AAK1: variants seen among roughly 807,000 people sequenced by gnomAD.
AAK1 encodes AP2 associated kinase 1, also known as AP2-associated protein kinase 1.
Under a neutral mutation model 116.0 loss-of-function variants are expected in AAK1, and 37 were observed. The ratio of observed to expected loss-of-function variants is 0.32; its 90% CI spans 0.25 to 0.42. The LOEUF (loss-of-function observed/expected upper bound fraction) is 0.42, where lower values mean the gene tolerates loss of function less well. Among genes scored for constraint, AAK1 ranks in the 10% least tolerant of loss-of-function variants. AAK1 has a pLI of 1.00. For synonymous variants in AAK1, 458 were observed against 439.9 expected, an observed-to-expected ratio of 1.04 and a Z score of -0.51; for missense variants, 919 against 1,170.6, an observed-to-expected ratio of 0.79 and a Z score of 3.14.
rs1330700871 is a variant in AAK1, at chr2:69,463,961, T to C, written c.*11908A>G. On this transcript the variant is annotated 3_prime_UTR_variant, in exon 22 of 22. Transcript: ENST00000409085. ...GCACTGCACCTGGCCAGCTTTATTT[T>C]AAGGCACTAATAATAAAGGGTATGA... 1.3e-5 allele frequency: 2 copies of C among 152,610 alleles called. No homozygotes were observed. Among genetic ancestry groups the C allele is most frequent in the Non-Finnish European group, 2.9e-5 (2 of 68,038 alleles). 9.5% of individuals were successfully genotyped at this position (152,610 alleles called of 1,614,324 possible).
chr2:69,613,483 G>A (rs1399700912), intron 2 of AAK1, among the ~76,000 whole-genome samples: 2 of 152,142 alleles, frequency 1.3e-5, no homozygotes, highest in Non-Finnish European at 2.9e-5. Context: ...CTTCCGGATG[G>A]GGGCTGGTTG....
intron 19 of AAK1, among the ~76,000 whole-genome samples, chr2:69,479,307 A>C (rs1187380262): frequency 6.6e-6 from 1 of 152,184 alleles, no homozygotes; most frequent in African/African-American, 2.4e-5. Context: ...AAAGTGGGAG[A>C]ATGAAAACCA....
chr2:69,552,784 C>A (rs1671234191), intron 3 of AAK1, among the ~76,000 whole-genome samples: 1 of 151,564 alleles, frequency 6.6e-6, no homozygotes, highest in Non-Finnish European at 1.5e-5. Flanking sequence ...AAAAGAAAAT[C>A]TTCAGAATTG....
Position 69,520,952 on chromosome 2 carries a change from A to G in AAK1, c.1092T>C (p.Ile364=). 3 of 1,613,804 alleles carry G rather than the reference A, an allele frequency of 1.9e-6. No homozygotes were observed. Among genetic ancestry groups the G allele is most frequent in the Non-Finnish European group, 2.5e-6 (3 of 1,179,790 alleles). The stretch of plus-strand genomic sequence containing the variant: ...CAGCTTTAGGCCTCTGGCGGGGTGC[A>G]ATTGAAGTCTCTGTGGTGGGAATGG... The part of the protein sequence containing the change: ...TDPIPTTETS[I]APRQRPKAGQ... Residue 364 remains isoleucine, a synonymous_variant, in exon 11 of 22, where the codon ATT becomes ATC. Coordinates refer to ENST00000409085, the MANE Select transcript of AAK1 (RefSeq NM_014911.5).
chr2:69,473,792 A>G lies in AAK1; in HGVS notation c.*2077T>C, dbSNP rs1415826192. ...AAACATTATTCTTATTTAAAAATAA[A>G]CATTTCCTTCATTAATTTATACATT... On this transcript the variant is annotated 3_prime_UTR_variant, in exon 22 of 22. Transcript: ENST00000409085. 1 of 982,776 alleles carries G rather than the reference A, an allele frequency of 1.0e-6. No individual in the cohort carries two copies. The highest frequency in any genetic ancestry group is 1.2e-6 in the Non-Finnish European group (1 of 827,114). 60.9% of individuals were successfully genotyped at this position (982,776 alleles called of 1,614,324 possible). A position where few individuals can be genotyped will look rare whatever the true frequency, so the allele number is the denominator to read the frequency against.
At position 69,464,746 on chromosome 2, in the gene AAK1, C is replaced by T. The variant is rs1674433948; in HGVS notation, c.*11123G>A. ...GCATGACTAGACATGAGGAGTTAGCCCATCTGCCTGTATCTCTACACAGGC... is the reference window on the plus strand; with the variant it reads ...GCATGACTAGACATGAGGAGTTAGCTCATCTGCCTGTATCTCTACACAGGC... On this transcript the variant is annotated 3_prime_UTR_variant, in exon 22 of 22. Transcript: ENST00000409085. 1 of 152,624 alleles carries T rather than the reference C, an allele frequency of 6.6e-6. No individual in the cohort carries two copies. The highest frequency in any genetic ancestry group is 2.4e-5 in the African/African-American group (1 of 41,434). 9.5% of individuals were successfully genotyped at this position (152,624 alleles called of 1,614,324 possible). A position where few individuals can be genotyped will look rare whatever the true frequency, so the allele number is the denominator to read the frequency against.
At chr2:69,571,956 G>A (rs1455645033) in intron 2 of AAK1, among the ~76,000 whole-genome samples, 1 of 152,176 alleles carries the variant, frequency 6.6e-6, no homozygotes, top group East Asian at 1.9e-4. Flanking sequence ...ACAGAGAAGA[G>A]GATTAAGCCC....
rs576783585 is a variant in AAK1, at chr2:69,562,330, A to G, written c.164-5352T>C. 3.3e-5 allele frequency among the ~76,000 whole-genome samples: 5 copies of G among 152,272 alleles called. No homozygotes were observed. The East Asian group carries it at 9.6e-4, about 29-fold the overall frequency. Reference sequence around the variant, plus strand: ...TTTGCACTTCCCTATAGATCCTTCAACATTTAAACTCCTAGGATTAGCAGC... The same window carrying G: ...TTTGCACTTCCCTATAGATCCTTCAGCATTTAAACTCCTAGGATTAGCAGC... On this transcript the variant is annotated intron_variant, in intron 2 of 21. Coordinates refer to ENST00000409085, the MANE Select transcript of AAK1 (RefSeq NM_014911.5).
At chr2:69,565,069 G>C (rs1558965793) in intron 2 of AAK1, among the ~76,000 whole-genome samples, 1 of 152,216 alleles carries the variant, frequency 6.6e-6, no homozygotes, top group Non-Finnish European at 1.5e-5. Context: ...ACATAAAGGA[G>C]TGACACAGTC....
chr2:69,586,096 T>C (rs1672752994), intron 2 of AAK1, among the ~76,000 whole-genome samples: 1 of 152,122 alleles, frequency 6.6e-6, no homozygotes, highest in Non-Finnish European at 1.5e-5. Flanking sequence ...CACTGTGAGA[T>C]GAACCGGAGG....
At chr2:69,499,516 C>T (rs966562579) in intron 16 of AAK1, among the ~76,000 whole-genome samples, 2 of 152,164 alleles carry the variant, frequency 1.3e-5, no homozygotes. Context: ...CAGAACTGTT[C>T]CATGAAACCA....
intron 17 of AAK1, among the ~76,000 whole-genome samples, chr2:69,486,463 A>C (rs536652406): frequency 7.0e-4 from 107 of 152,230 alleles, no homozygotes; most frequent in African/African-American, 2.5e-3. Flanking sequence ...GAATACTCAA[A>C]TACCAGAAAT....
At chr2:69,513,556 C>T (rs1176338853) in intron 13 of AAK1, among the ~76,000 whole-genome samples, 2 of 152,166 alleles carry the variant, frequency 1.3e-5, no homozygotes, top group Non-Finnish European at 2.9e-5. Flanking sequence ...ATCTCCTGAC[C>T]TTGTGATCCG....
intron 10 of AAK1, 27 bp downstream of exon 10, chr2:69,525,006 A>T: frequency 6.2e-7 from 1 of 1,602,988 alleles, no homozygotes; most frequent in Non-Finnish European, 8.5e-7. Flanking sequence ...TCCAAGGAGG[A>T]CATGTGTTCA....
chr2:69,531,725 A>T, intron 6 of AAK1: 2 of 1,053,112 alleles, frequency 1.9e-6, no homozygotes, highest in Non-Finnish European at 2.3e-6. Flanking sequence ...ACATGCTAGT[A>T]CTTTTACGGT....
Position 69,627,892 on chromosome 2 carries a change from G to T in AAK1, c.163+14986C>A, listed in dbSNP as rs148162154. Among the ~76,000 whole-genome samples the T allele has an allele frequency of 1.5e-3, 227 of 152,230 alleles. 1 individual carries two copies. The highest frequency in any genetic ancestry group is 3.8e-3 in the African/African-American group (157 of 41,520). On this transcript the variant is annotated intron_variant, in intron 2 of 21. Coordinates refer to ENST00000409085, the MANE Select transcript of AAK1 (RefSeq NM_014911.5). ...ATTAAAAAGTCCCTAACTGAAGCCCGTCTCTTTTCCTCAAACACTATTCTT... is the reference window on the plus strand; with the variant it reads ...ATTAAAAAGTCCCTAACTGAAGCCCTTCTCTTTTCCTCAAACACTATTCTT...
intron 2 of AAK1, among the ~76,000 whole-genome samples, chr2:69,599,379 T>TAAAAAA (rs34685588): frequency 9.7e-6 from 1 of 103,562 alleles, no homozygotes; most frequent in Admixed American, 1.0e-4. Context: ...TAGTTCTGTG[T>TAAAAAA]AAAAAAAAAA....
rs112340705 is a variant in AAK1 at position 69,477,105 on chromosome 2, T to C, written c.2681-115A>G. 2,333 of 591,980 alleles carry C rather than the reference T, an allele frequency of 3.9e-3. 34 individuals are homozygous for C. Among genetic ancestry groups the C allele is most frequent in the African/African-American group, 0.038 (2,054 of 53,400 alleles). The allele number at this position is 591,980 out of a possible 1,614,324, so 36.7% of individuals were successfully genotyped here. On this transcript the variant is annotated intron_variant, in intron 20 of 21. Transcript: ENST00000409085. Reference sequence around the variant, plus strand: ...TGTACAGCCCTGTTATTTTCAAAGGTGAAAGGATTTATCTTTCTGAGTTGA... The same window carrying C: ...TGTACAGCCCTGTTATTTTCAAAGGCGAAAGGATTTATCTTTCTGAGTTGA...
At chr2:69,603,236 A>C (rs1167345695) in intron 2 of AAK1, among the ~76,000 whole-genome samples, 1 of 152,190 alleles carries the variant, frequency 6.6e-6, no homozygotes, top group Non-Finnish European at 1.5e-5. Context: ...AGTAATCATG[A>C]TTATTGTAAA....
Sources: allele counts gnomAD v4.1 joint callset (sites outside exome capture counted in the v4.1 genomes callset), GRCh38; gene constraint gnomAD v4.1.1; transcripts MANE v1.5; gene names NCBI Gene and HGNC (gene_info 2026-07-23, HGNC 2026-07-21).